Variants in KIF13A observed in about 807,000 individuals in gnomAD.
The protein encoded by KIF13A is kinesin family member 13A.
KIF13A carries 79 observed loss-of-function variants against 212.2 expected under a neutral mutation model. The observed-to-expected ratio is 0.37, with a 90% confidence interval of 0.31 to 0.45. KIF13A has a LOEUF of 0.45. KIF13A is among the 20% of genes least tolerant of loss of function. KIF13A has a pLI of 1.00. For missense variants in KIF13A, 1,901 were observed against 2,209.0 expected, an observed-to-expected ratio of 0.86 and a Z score of 2.79; for synonymous variants, 789 against 808.6, an observed-to-expected ratio of 0.98 and a Z score of 0.41.
chr6:17,987,599 G>T lies in KIF13A; in HGVS notation c.-136C>A. The T allele has an allele frequency of 3.4e-6, 1 of 297,956 alleles. No individual in the cohort carries two copies. The highest frequency in any genetic ancestry group is 4.9e-6 in the Non-Finnish European group (1 of 205,186). 18.5% of individuals were successfully genotyped at this position (297,956 alleles called of 1,614,324 possible). A position where few individuals can be genotyped will look rare whatever the true frequency, so the allele number is the denominator to read the frequency against. On this transcript the variant is annotated 5_prime_UTR_variant, in exon 1 of 39. It adds an upstream start codon to the 5' untranslated region. Transcript: ENST00000259711. This position sits in a 1 kb window ranked among gnomAD's most constrained non-coding sequence, Gnocchi z 7.7. ...GCTCCGCCGTGAGCTCCGAGAGGCA[G>T]CGCCGAGGCGCGCGGGCCATCCCGG...
At chr6:17,775,313 T>G (rs187814868) in intron 34 of KIF13A, among the ~76,000 whole-genome samples, 14 of 152,350 alleles carry the variant, frequency 9.2e-5, no homozygotes, top group Admixed American at 8.5e-4. Flanking sequence ...ATGCTTCACA[T>G]AAGTGGTATC....
At chr6:17,985,200 G>GT (rs1781435351) in intron 2 of KIF13A, among the ~76,000 whole-genome samples, 1 of 152,158 alleles carries the variant, frequency 6.6e-6, no homozygotes, top group Admixed American at 6.6e-5. Flanking sequence ...AAACACGAGA[G>GT]TACCCATATT....
intron 2 of KIF13A, among the ~76,000 whole-genome samples, chr6:17,958,936 A>C (rs1422027921): frequency 4.5e-5 from 6 of 132,130 alleles, no homozygotes. Context: ...GCTAGAGTGC[A>C]GTAGTGCAAT....
chr6:17,766,409 T>C (rs1032154309), intron 38 of KIF13A, among the ~76,000 whole-genome samples: 27 of 151,796 alleles, frequency 1.8e-4, no homozygotes, highest in African/African-American at 6.1e-4. Context: ...CAGGCTAATT[T>C]TGTATTTTTA....
intron 4 of KIF13A, among the ~76,000 whole-genome samples, chr6:17,865,748 T>TC (rs1769302425): frequency 6.6e-6 from 1 of 152,206 alleles, no homozygotes; most frequent in South Asian, 2.1e-4. Flanking sequence ...CAGAAAAGTC[T>TC]ACCATTGAGG....
At chr6:17,950,796 G>T in intron 2 of KIF13A, 1 of 977,668 alleles carries the variant, frequency 1.0e-6, no homozygotes, top group Non-Finnish European at 1.2e-6. Flanking sequence ...ATTACTAAAG[G>T]ACTTTTAAAT....
chr6:17,859,036 G>A (rs1015379602), intron 4 of KIF13A, among the ~76,000 whole-genome samples: 5 of 152,170 alleles, frequency 3.3e-5, no homozygotes, highest in Non-Finnish European at 5.9e-5. Flanking sequence ...GTAGTAAAAT[G>A]TGGTACTTCT....
At chr6:17,894,884 C>T (rs754350028) in intron 3 of KIF13A, among the ~76,000 whole-genome samples, 46 of 152,086 alleles carry the variant, frequency 3.0e-4, no homozygotes, top group Non-Finnish European at 5.4e-4. Context: ...AGAGTACAAT[C>T]CCAGGGATTG....
At chr6:17,823,037 CT>C (rs10708452) in intron 16 of KIF13A, among the ~76,000 whole-genome samples, 72,786 of 145,026 alleles carry the variant, frequency 0.5, 18,023 homozygotes, top group South Asian at 0.54. Context: ...TGGTTCTATA[CT>C]TTTTTTTTTT....
intron 9 of KIF13A, among the ~76,000 whole-genome samples, chr6:17,846,941 T>G (rs981530636): frequency 2.0e-5 from 3 of 152,208 alleles, no homozygotes; most frequent in Admixed American, 2.0e-4. Context: ...CACTTAGAAC[T>G]TGGTGACCTG....
At chr6:17,911,429 C>T (rs1774051591) in intron 2 of KIF13A, among the ~76,000 whole-genome samples, 1 of 152,206 alleles carries the variant, frequency 6.6e-6, no homozygotes, top group African/African-American at 2.4e-5. Flanking sequence ...TTCCTCTCCA[C>T]TATGACAAGA....
At chr6:17,795,551 C>T (rs967406704) in intron 23 of KIF13A, among the ~76,000 whole-genome samples, 2 of 149,760 alleles carry the variant, frequency 1.3e-5, no homozygotes, top group Admixed American at 1.3e-4. Context: ...GCTAAGATCG[C>T]ACCACTGCAC....
intron 2 of KIF13A, among the ~76,000 whole-genome samples, chr6:17,945,048 G>A (rs984748691): frequency 9.9e-5 from 15 of 152,178 alleles, no homozygotes; most frequent in African/African-American, 3.1e-4. Flanking sequence ...CAAGGTGGAA[G>A]GATCATCTGA....
intron 2 of KIF13A, among the ~76,000 whole-genome samples, chr6:17,966,854 A>G (rs992451763): frequency 6.6e-6 from 1 of 152,162 alleles, no homozygotes; most frequent in Non-Finnish European, 1.5e-5. Context: ...CTCAAAGCGT[A>G]TTATTTATTT....
chr6:17,976,891 G>A (rs1175227313), intron 2 of KIF13A, among the ~76,000 whole-genome samples: 2 of 151,666 alleles, frequency 1.3e-5, no homozygotes, highest in East Asian at 1.9e-4. Flanking sequence ...CACGAGGTCA[G>A]GAGATCGAGA....
At chr6:17,931,543 TC>T (rs1404111156) in intron 2 of KIF13A, among the ~76,000 whole-genome samples, 4 of 152,182 alleles carry the variant, frequency 2.6e-5, no homozygotes, top group African/African-American at 9.7e-5. Flanking sequence ...GATGCTTTGT[TC>T]TTATTTATTT....
rs575021807 is a variant in KIF13A at position 17,794,157 on chromosome 6, G to A, written c.3222+92C>T. ...AACTGGGGGAAGATCTACGGTTAAG[G>A]CAAAGAGTTCTGTTATATTGGCAAA... On this transcript the variant is annotated intron_variant, in intron 25 of 38. Transcript: ENST00000259711. The surrounding 1 kb of genome is among the most constrained non-coding windows in gnomAD (Gnocchi z 4.1). 2 of 975,382 alleles carry A rather than the reference G, an allele frequency of 2.1e-6. No homozygotes were observed. Among genetic ancestry groups the A allele is most frequent in the Admixed American group, 4.5e-5 (2 of 44,284 alleles). 60.4% of individuals were successfully genotyped at this position (975,382 alleles called of 1,614,324 possible). A position where few individuals can be genotyped will look rare whatever the true frequency, so the allele number is the denominator to read the frequency against.
chr6:17,913,339 C>A (rs1052753561), intron 2 of KIF13A, among the ~76,000 whole-genome samples: 4 of 152,136 alleles, frequency 2.6e-5, no homozygotes, highest in Non-Finnish European at 5.9e-5. Context: ...ACACAGTGGG[C>A]ACTCAATAAT....
chr6:17,938,554 G>C (rs13198614), intron 2 of KIF13A, among the ~76,000 whole-genome samples: 7,795 of 152,224 alleles, frequency 0.051, 251 homozygotes, highest in East Asian at 0.083. Context: ...TATTGCGGCA[G>C]CCTGGAAACA....
Sources: gnomAD v4.1 joint callset for allele counts (sites outside exome capture counted in the v4.1 genomes callset) on GRCh38, gnomAD v4.1.1 for gene constraint, Gnocchi (gnomAD v3.1) non-coding constraint, MANE v1.5 for transcripts, NCBI Gene and HGNC (gene_info 2026-07-23, HGNC 2026-07-21) for gene names.